The following PTPRN2 variants were observed in gnomAD, a reference collection of about 807,000 sequenced individuals.
PTPRN2 encodes receptor-type tyrosine-protein phosphatase N2.
In PTPRN2, 74 loss-of-function variants were observed where a neutral mutation model predicts 118.8. The ratio of observed to expected loss-of-function variants is 0.62; its 90% CI spans 0.52 to 0.76. The LOEUF is 0.76. Among genes scored for constraint, PTPRN2 ranks in the 30% least tolerant of loss-of-function variants. PTPRN2 has a pLI of 0.00. For synonymous variants in PTPRN2, 641 were observed against 608.0 expected (o/e 1.05, Z -0.80); for missense variants, 1,481 against 1,394.4 (o/e 1.06, Z -0.99).
intron 12 of PTPRN2, among the ~76,000 whole-genome samples, chr7:157,862,211 G>A (rs143828993): frequency 2.0e-5 from 3 of 152,378 alleles, no homozygotes; most frequent in South Asian, 2.1e-4. Flanking sequence ...TTCACCAAGC[G>A]AACTGTGTCT....
rs984675929 is a variant in PTPRN2 at position 158,574,265 on chromosome 7, CATT to C, written c.112+13290_112+13292del. 2.0e-4 allele frequency among the ~76,000 whole-genome samples: 31 copies of C among 152,254 alleles called. No individual in the cohort carries two copies. The highest frequency in any genetic ancestry group is 8.3e-4 in the South Asian group (4 of 4,826). Reference sequence around the variant, plus strand: ...TAAGTATCTAAAATGTTATTAATCACATTAATAAAAATTTTAGTGAATACAAAG... The same window carrying C: ...TAAGTATCTAAAATGTTATTAATCACAATAAAAATTTTAGTGAATACAAAG... On this transcript the variant is annotated intron_variant, in intron 1 of 22. Coordinates refer to ENST00000389418, the MANE Select transcript of PTPRN2 (RefSeq NM_002847.5). This position sits in a 1 kb window ranked among gnomAD's most constrained non-coding sequence, Gnocchi z 4.6.
intron 22 of PTPRN2, among the ~76,000 whole-genome samples, chr7:157,541,010 A>C (rs1797987216): frequency 6.6e-6 from 1 of 152,252 alleles, no homozygotes. Context: ...CAACAGTGAC[A>C]CATGTTTGAG....
At chr7:157,757,451 A>G (rs1801855631) in intron 12 of PTPRN2, among the ~76,000 whole-genome samples, 2 of 152,180 alleles carry the variant, frequency 1.3e-5, no homozygotes, top group South Asian at 4.2e-4. Flanking sequence ...GCCGGTGGGG[A>G]CAAGGAGGAC....
rs536135341 is a variant in PTPRN2 at position 157,615,819 on chromosome 7, G to A, written c.2344+5543C>T. On this transcript the variant is annotated intron_variant, in intron 15 of 22. Coordinates refer to ENST00000389418, the MANE Select transcript of PTPRN2 (RefSeq NM_002847.5). The surrounding 1 kb of genome is among the most constrained non-coding windows in gnomAD (Gnocchi z 4.3). ...CCTGTTAAACTTGACTGTCACCAAC[G>A]GGGGGTGGGGGGTGCGCGAGGCCCT... The A allele has an allele frequency of 1.4e-5, 5 of 359,630 alleles. No homozygotes were observed. The highest frequency in any genetic ancestry group is 6.2e-5 in the South Asian group (3 of 48,040). 22.3% of individuals were successfully genotyped at this position (359,630 alleles called of 1,614,324 possible).
At chr7:158,310,562 G>A (rs941872502) in intron 3 of PTPRN2, among the ~76,000 whole-genome samples, 7 of 152,372 alleles carry the variant, frequency 4.6e-5, no homozygotes, top group Admixed American at 3.3e-4. Context: ...ATGGCCGGCC[G>A]GAGATGGGGG....
intron 12 of PTPRN2, among the ~76,000 whole-genome samples, chr7:157,696,722 C>A (rs1585255838): frequency 7.1e-6 from 1 of 141,364 alleles, no homozygotes; most frequent in African/African-American, 2.7e-5. Flanking sequence ...TGGGTCTTAG[C>A]AGAGCCCTCA....
chr7:158,372,644 C>T (rs891401551), intron 2 of PTPRN2, among the ~76,000 whole-genome samples: 3 of 150,334 alleles, frequency 2.0e-5, no homozygotes, highest in African/African-American at 4.8e-5. Context: ...GTCCCCACCA[C>T]GCTGGTTCCC....
chr7:158,133,266 C>T (rs1464146047), intron 9 of PTPRN2, among the ~76,000 whole-genome samples: 3 of 152,340 alleles, frequency 2.0e-5, no homozygotes, highest in Non-Finnish European at 4.4e-5. Flanking sequence ...TCCCATCCCG[C>T]ATTCCCGCGC....
rs111986354 is a variant in PTPRN2 at position 157,659,956 on chromosome 7, G to A, written c.2002-3405C>T. 2.5e-4 allele frequency among the ~76,000 whole-genome samples: 38 copies of A among 152,222 alleles called. 1 individual carries two copies. The highest frequency in any genetic ancestry group is 8.7e-4 in the African/African-American group (36 of 41,544). On this transcript the variant is annotated intron_variant, in intron 13 of 22. Coordinates refer to ENST00000389418, the MANE Select transcript of PTPRN2 (RefSeq NM_002847.5). ...GACAGGGTTTCACCATATTGGCCAG[G>A]CTGGTCTCGAACTCCTGACCTGAGG...
chr7:157,885,789 C>T lies in PTPRN2; in HGVS notation c.1788+12884G>A, dbSNP rs143536093. On this transcript the variant is annotated intron_variant, in intron 12 of 22. Coordinates refer to ENST00000389418, the MANE Select transcript of PTPRN2 (RefSeq NM_002847.5). ...GATGTGGGGCTCAGTGTAGGGAGTG[C>T]GACCTGGCCTGAGTCAGGCTGCCTG... Among the ~76,000 whole-genome samples, 387 of 152,178 alleles carry T rather than the reference C, an allele frequency of 2.5e-3. 3 individuals carry two copies. Among genetic ancestry groups the T allele is most frequent in the African/African-American group, 8.7e-3 (363 of 41,520 alleles).
chr7:158,541,267 T>G (rs1485947971), intron 1 of PTPRN2, among the ~76,000 whole-genome samples: 1 of 152,224 alleles, frequency 6.6e-6, no homozygotes, highest in Admixed American at 6.5e-5. Context: ...AGGGCTTTGA[T>G]CATCAGCACG....
intron 12 of PTPRN2, among the ~76,000 whole-genome samples, chr7:157,758,029 G>A (rs1779885247): frequency 1.3e-5 from 2 of 152,262 alleles, no homozygotes; most frequent in African/African-American, 4.8e-5. Flanking sequence ...AGGGGTTTGC[G>A]GGAGGGACAG....
At chr7:158,136,585 C>T (rs1320363378) in intron 8 of PTPRN2, 70 bp downstream of exon 8, 4 of 1,484,630 alleles carry the variant, frequency 2.7e-6, no homozygotes, top group African/African-American at 2.8e-5. Context: ...TAAATGTTCC[C>T]ACACCATGAA....
rs138585302 is a variant in PTPRN2, at chr7:157,784,855, GT to G, written c.1789-101919del. Among the ~76,000 whole-genome samples the G allele has an allele frequency of 0.017, 2,630 of 152,242 alleles. 70 individuals carry two copies. Among genetic ancestry groups the G allele is most frequent in the South Asian group, 0.11 (540 of 4,816 alleles). Reference sequence around the variant, plus strand: ...ATAGGGGCCCAGGGGGCCTGGACAAGTAATAAGGTCAAGATATTTTTGGACT... The same window carrying G: ...ATAGGGGCCCAGGGGGCCTGGACAAGAATAAGGTCAAGATATTTTTGGACT... On this transcript the variant is annotated intron_variant, in intron 12 of 22. Transcript: ENST00000389418. The surrounding 1 kb of genome is among the most constrained non-coding windows in gnomAD (Gnocchi z 4.6).
chr7:158,155,811 C>G (rs987495456), intron 6 of PTPRN2, among the ~76,000 whole-genome samples: 31 of 143,754 alleles, frequency 2.2e-4, no homozygotes, highest in Non-Finnish European at 4.6e-5. Context: ...ATCATCACCA[C>G]CATCATCACC....
chr7:158,455,745 G>T (rs1479779735), intron 2 of PTPRN2, among the ~76,000 whole-genome samples: 1 of 144,726 alleles, frequency 6.9e-6, no homozygotes, highest in Non-Finnish European at 1.5e-5. Context: ...CCATCGCTCT[G>T]CAGAGAAGAC....
At chr7:157,754,844 C>T (rs558344029) in intron 12 of PTPRN2, among the ~76,000 whole-genome samples, 2 of 152,190 alleles carry the variant, frequency 1.3e-5, no homozygotes, top group Admixed American at 6.5e-5. Context: ...CACTCTGCAG[C>T]GGGGTGTGCT....
chr7:158,523,594 T>C (rs1824443163), intron 1 of PTPRN2, among the ~76,000 whole-genome samples: 1 of 118,896 alleles, frequency 8.4e-6, no homozygotes, highest in Non-Finnish European at 1.7e-5. Flanking sequence ...TGGAGTCATC[T>C]GCCCTGGAGC....
chr7:157,876,264 TGAGG>T (rs1462895119), intron 12 of PTPRN2, among the ~76,000 whole-genome samples: 1 of 152,124 alleles, frequency 6.6e-6, no homozygotes, highest in African/African-American at 2.4e-5. Context: ...CTGCTGGGCC[TGAGG>T]TAAGGCGGAC....
Sources: allele counts gnomAD v4.1 joint callset (sites outside exome capture counted in the v4.1 genomes callset), GRCh38; gene constraint gnomAD v4.1.1; non-coding constraint Gnocchi (gnomAD v3.1); transcripts MANE v1.5; gene names NCBI Gene and HGNC (gene_info 2026-07-23, HGNC 2026-07-21).